Variants in TMEM33 observed in about 807,000 individuals in gnomAD.
TMEM33 encodes transmembrane protein 33.
In TMEM33, 16 loss-of-function variants were observed where a neutral mutation model predicts 29.7. The observed-to-expected ratio is 0.54, with a 90% confidence interval of 0.36 to 0.82. TMEM33 has a LOEUF of 0.82. Among genes scored for constraint, TMEM33 ranks in the 40% least tolerant of loss-of-function variants. The pLI is 0.00. For synonymous variants in TMEM33, 112 were observed against 109.4 expected, an observed-to-expected ratio of 1.02 and a Z score of -0.15; for missense variants, 252 against 295.3, an observed-to-expected ratio of 0.85 and a Z score of 1.08.
intron 3 of TMEM33, among the ~76,000 whole-genome samples, chr4:41,942,237 A>G (rs1219103751): frequency 6.6e-6 from 1 of 152,238 alleles, no homozygotes; most frequent in Non-Finnish European, 1.5e-5. Flanking sequence ...TCAGTTTCAA[A>G]GTAGTCTATG....
At chr4:41,940,233 G>A (rs1305023814) in intron 3 of TMEM33, among the ~76,000 whole-genome samples, 1 of 151,936 alleles carries the variant, frequency 6.6e-6, no homozygotes, top group Admixed American at 6.6e-5. Context: ...AACTAAGAGA[G>A]TTAGTAGGGT....
chr4:41,955,093 T>C lies in TMEM33; in HGVS notation c.*894T>C, dbSNP rs983255039. 6.6e-6 allele frequency: 1 copy of C among 152,658 alleles called. No homozygotes were observed. Among genetic ancestry groups the C allele is most frequent in the Non-Finnish European group, 1.5e-5 (1 of 68,034 alleles). The allele number at this position is 152,658 out of a possible 1,614,324, so 9.5% of individuals were successfully genotyped here. On this transcript the variant is annotated 3_prime_UTR_variant, in exon 7 of 7. Transcript: ENST00000504986. ...ACAATTGCAACAGTTTAGATGCCTT[T>C]TGAAAGGAATGTAATGAAGATTCAG...
chr4:41,945,984 A>C (rs1463439410), intron 5 of TMEM33, among the ~76,000 whole-genome samples: 1 of 150,782 alleles, frequency 6.6e-6, no homozygotes, highest in Non-Finnish European at 1.5e-5. Context: ...AAAAAAAAAA[A>C]AAAAAAAGAA....
chr4:41,936,449 G>C (rs573112634), intron 1 of TMEM33, among the ~76,000 whole-genome samples: 1 of 152,194 alleles, frequency 6.6e-6, no homozygotes, highest in South Asian at 2.1e-4. Flanking sequence ...AGGCCAAGGC[G>C]GGTGGATCGC....
rs1016417179 is a variant in TMEM33, at chr4:41,956,924, C to T, written c.*2725C>T. The T allele has an allele frequency of 4.6e-5, 7 of 152,072 alleles. No individual in the cohort carries two copies. The highest frequency in any genetic ancestry group is 1.3e-4 in the Admixed American group (2 of 15,252). 9.4% of individuals were successfully genotyped at this position (152,072 alleles called of 1,614,324 possible). ...TTTGGAATTTGAAATTATAGTGTTACATGTATACCTATCAAATTAAAATTA... is the reference window on the plus strand; with the variant it reads ...TTTGGAATTTGAAATTATAGTGTTATATGTATACCTATCAAATTAAAATTA... On this transcript the variant is annotated 3_prime_UTR_variant, in exon 7 of 7. Coordinates refer to ENST00000504986, the MANE Select transcript of TMEM33 (RefSeq NM_018126.3).
Position 41,957,997 on chromosome 4 carries a change from T to G in TMEM33, c.*3798T>G, listed in dbSNP as rs1320945765. 2 of 152,974 alleles carry G rather than the reference T, an allele frequency of 1.3e-5. No individual in the cohort carries two copies. Among genetic ancestry groups the G allele is most frequent in the African/African-American group, 4.8e-5 (2 of 41,462 alleles). The allele number at this position is 152,974 out of a possible 1,614,324, so 9.5% of individuals were successfully genotyped here. A position where few individuals can be genotyped will look rare whatever the true frequency, so the allele number is the denominator to read the frequency against. On this transcript the variant is annotated 3_prime_UTR_variant, in exon 7 of 7. Coordinates refer to ENST00000504986, the MANE Select transcript of TMEM33 (RefSeq NM_018126.3). ...ATCATTCAAGATTGAAAAAAAAAATTAAGCATTTTTTGTTTGTTTGCTTGT... is the reference window on the plus strand; with the variant it reads ...ATCATTCAAGATTGAAAAAAAAAATGAAGCATTTTTTGTTTGTTTGCTTGT...
intron 3 of TMEM33, among the ~76,000 whole-genome samples, chr4:41,942,628 T>C (rs1386817078): frequency 1.3e-5 from 2 of 151,978 alleles, no homozygotes; most frequent in Non-Finnish European, 2.9e-5. Flanking sequence ...ACAGTCTATA[T>C]CATTTTGTGG....
chr4:41,940,736 G>T (rs1030564169), intron 3 of TMEM33, among the ~76,000 whole-genome samples: 2 of 149,866 alleles, frequency 1.3e-5, no homozygotes, highest in Admixed American at 6.7e-5. Context: ...TTGAACCCTG[G>T]AGTGGAGGTT....
At position 41,935,498 on chromosome 4, in the gene TMEM33, C is replaced by A; in HGVS notation, c.14C>A (p.Thr5Asn). MADT[T>N]PNGPQGAGAV... Reference sequence around the variant, plus strand: ...GTGTGAGCCCCCATGGCAGATACGACCCCGAACGGCCCCCAAGGGGCGGGC... The same window carrying A: ...GTGTGAGCCCCCATGGCAGATACGAACCCGAACGGCCCCCAAGGGGCGGGC... Residue 5 changes from threonine (T) to asparagine (N), a missense_variant, in exon 1 of 7, where the codon ACC becomes AAC. Transcript: ENST00000504986. The A allele has an allele frequency of 6.2e-7, 1 of 1,609,772 alleles. No homozygotes were observed. The highest frequency in any genetic ancestry group is 8.5e-7 in the Non-Finnish European group (1 of 1,178,152).
At chr4:41,938,415 G>A (rs2153126413) in intron 1 of TMEM33, among the ~76,000 whole-genome samples, 187 bp from the exon 2 acceptor site, 1 of 152,120 alleles carries the variant, frequency 6.6e-6, no homozygotes, top group Non-Finnish European at 1.5e-5. Flanking sequence ...AAACTATAAG[G>A]TGTTTGGACT....
In TMEM33 at chr4:41,954,603, A is replaced by G. The variant is rs1351732324; in HGVS notation, c.*404A>G. On this transcript the variant is annotated 3_prime_UTR_variant, in exon 7 of 7. Coordinates refer to ENST00000504986, the MANE Select transcript of TMEM33 (RefSeq NM_018126.3). ...TGATACACATATGTGAATTCAGTAC[A>G]TTTTGAGACAGTATTCTACCATTCA... 1 of 155,616 alleles carries G rather than the reference A, an allele frequency of 6.4e-6. No homozygotes were observed. Among genetic ancestry groups the G allele is most frequent in the African/African-American group, 2.4e-5 (1 of 41,492 alleles). The allele number at this position is 155,616 out of a possible 1,614,324, so 9.6% of individuals were successfully genotyped here. A position where few individuals can be genotyped will look rare whatever the true frequency, so the allele number is the denominator to read the frequency against.
rs540220113 is a variant in TMEM33 at position 41,959,520 on chromosome 4, C to T, written c.*5321C>T. The T allele has an allele frequency of 3.9e-5, 6 of 152,312 alleles. No individual in the cohort carries two copies. The East Asian group carries it at 7.7e-4, about 20-fold the overall frequency. 9.4% of individuals were successfully genotyped at this position (152,312 alleles called of 1,614,324 possible). A position where few individuals can be genotyped will look rare whatever the true frequency, so the allele number is the denominator to read the frequency against. ...TGAAATCTAACAATTAGCTCATATT[C>T]CATGAGAAAGAGTGGCCTAAGAATT... is the stretch of plus-strand genomic sequence containing the variant. On this transcript the variant is annotated 3_prime_UTR_variant, in exon 7 of 7. Transcript: ENST00000504986.
At chr4:41,951,952 T>G (rs550879572) in intron 6 of TMEM33, among the ~76,000 whole-genome samples, 62 of 152,260 alleles carry the variant, frequency 4.1e-4, no homozygotes, top group African/African-American at 1.4e-3. Context: ...GATTGTAACA[T>G]AGAGAGGCTG....
chr4:41,939,119 T>G, intron 2 of TMEM33, 77 bp from the exon 3 acceptor site: 1 of 1,398,428 alleles, frequency 7.2e-7, no homozygotes, highest in South Asian at 1.5e-5. Context: ...TGTGCAATTA[T>G]GATGCAATTC....
chr4:41,935,726 C>G (rs1019317792), intron 1 of TMEM33, among the ~76,000 whole-genome samples, 197 bp downstream of exon 1: 2 of 152,160 alleles, frequency 1.3e-5, no homozygotes, highest in Admixed American at 1.3e-4. Flanking sequence ...GTTTCTGAAG[C>G]GACAATAGGC....
chr4:41,949,794 G>A (rs1712960129), intron 6 of TMEM33, among the ~76,000 whole-genome samples: 1 of 152,124 alleles, frequency 6.6e-6, no homozygotes, highest in Non-Finnish European at 1.5e-5. Context: ...TCCACAGAAG[G>A]GAGAGATCAT....
chr4:41,959,998 C>T lies in TMEM33; in HGVS notation c.*5799C>T, dbSNP rs1713410594. The T allele has an allele frequency of 6.6e-6, 1 of 152,048 alleles. No homozygotes were observed. The highest frequency in any genetic ancestry group is 2.1e-4 in the South Asian group (1 of 4,828). 9.4% of individuals were successfully genotyped at this position (152,048 alleles called of 1,614,324 possible). A position where few individuals can be genotyped will look rare whatever the true frequency, so the allele number is the denominator to read the frequency against. On this transcript the variant is annotated 3_prime_UTR_variant, in exon 7 of 7. Transcript: ENST00000504986. Reference sequence around the variant, plus strand: ...ATTCTTCAGGCCAATACTATCCAGACTATATAAATTTATAAAATAAATTGA... The same window carrying T: ...ATTCTTCAGGCCAATACTATCCAGATTATATAAATTTATAAAATAAATTGA...
intron 6 of TMEM33, among the ~76,000 whole-genome samples, chr4:41,950,415 C>G (rs1375393442): frequency 6.6e-6 from 1 of 152,056 alleles, no homozygotes; most frequent in Non-Finnish European, 1.5e-5. Flanking sequence ...CCATCATTAA[C>G]TAGTTGTGTG....
At chr4:41,950,975 T>G (rs1713013189) in intron 6 of TMEM33, among the ~76,000 whole-genome samples, 1 of 152,182 alleles carries the variant, frequency 6.6e-6, no homozygotes, top group African/African-American at 2.4e-5. Flanking sequence ...AAGCACCCAT[T>G]TTAACCAAAC....
Sources: gnomAD v4.1 joint callset for allele counts (sites outside exome capture counted in the v4.1 genomes callset) on GRCh38, gnomAD v4.1.1 for gene constraint, MANE v1.5 for transcripts, NCBI Gene and HGNC (gene_info 2026-07-23, HGNC 2026-07-21) for gene names.